MIER1: variants seen among roughly 807,000 people sequenced by gnomAD.
The protein encoded by MIER1 is MIER1 transcriptional regulator.
MIER1 carries 40 observed loss-of-function variants against 75.7 expected under a neutral mutation model. The ratio of observed to expected loss-of-function variants is 0.53; its 90% CI spans 0.41 to 0.69. The LOEUF (loss-of-function observed/expected upper bound fraction) is 0.69, where lower values mean the gene tolerates loss of function less well. MIER1 is among the 30% of genes least tolerant of loss of function. MIER1 has a pLI of 0.00. For missense variants in MIER1, 574 were observed against 680.2 expected, an observed-to-expected ratio of 0.84 and a Z score of 1.74; for synonymous variants, 213 against 223.4, an observed-to-expected ratio of 0.95 and a Z score of 0.42.
At chr1:66,951,437 T>G (rs1008195067) in intron 4 of MIER1, among the ~76,000 whole-genome samples, 3 of 152,136 alleles carry the variant, frequency 2.0e-5, no homozygotes, top group African/African-American at 7.2e-5. Flanking sequence ...TCGGTTTATG[T>G]TTTTAAAAAG....
At chr1:66,975,007 A>AT (rs962578072) in intron 11 of MIER1, among the ~76,000 whole-genome samples, 6 of 152,064 alleles carry the variant, frequency 3.9e-5, no homozygotes, top group African/African-American at 4.8e-5. Flanking sequence ...TGAGAGGATG[A>AT]TTTTTTTTAA....
chr1:66,986,343 T>C lies in MIER1; in HGVS notation c.*1443T>C, dbSNP rs1428290613. 1.3e-6 allele frequency: 2 copies of C among 1,577,756 alleles called. No homozygotes were observed. Among genetic ancestry groups the C allele is most frequent in the Admixed American group, 3.6e-5 (2 of 55,418 alleles). On this transcript the variant is annotated 3_prime_UTR_variant, in exon 14 of 14. Coordinates refer to ENST00000401041, the MANE Select transcript of MIER1 (RefSeq NM_001077700.3). ...AAATAATGTAGTTTTATATAGCTGA[T>C]AGACCAACCTATATCCAAACTTTTA...
intron 4 of MIER1, 175 bp downstream of exon 4, chr1:66,946,470 CAAT>C (rs1657666905): frequency 7.5e-7 from 1 of 1,339,866 alleles, no homozygotes; most frequent in Non-Finnish European, 9.5e-7. Context: ...GATTTAAAAA[CAAT>C]AACTTTATTA....
chr1:66,978,132 G>A (rs1256988283), intron 12 of MIER1, among the ~76,000 whole-genome samples: 2 of 150,852 alleles, frequency 1.3e-5, no homozygotes, highest in African/African-American at 2.4e-5. Flanking sequence ...GGAGGCGGAG[G>A]TTGCAGTGAG....
At chr1:66,930,185 G>T in intron 2 of MIER1, 1 of 1,353,600 alleles carries the variant, frequency 7.4e-7, no homozygotes, top group Non-Finnish European at 9.5e-7. Context: ...TTTCCCTCCA[G>T]TCCAGCCCAG....
At chr1:66,982,249 AC>A (rs1157451822) in intron 13 of MIER1, among the ~76,000 whole-genome samples, 5 of 152,120 alleles carry the variant, frequency 3.3e-5, no homozygotes, top group African/African-American at 1.2e-4. Flanking sequence ...TTAGGTCAAA[AC>A]CCTGCAGTTT....
intron 8 of MIER1, among the ~76,000 whole-genome samples, chr1:66,964,456 T>C (rs1047357614): frequency 4.1e-5 from 6 of 144,960 alleles, no homozygotes; most frequent in African/African-American, 1.5e-4. Context: ...TCCTTTTTTT[T>C]TTTTTTTTTT....
chr1:66,939,965 G>A (rs1407603156), intron 2 of MIER1, 63 bp from the exon 3 acceptor site: 3 of 1,299,104 alleles, frequency 2.3e-6, no homozygotes, highest in East Asian at 2.4e-5. Context: ...AATAATTTCG[G>A]TAATGTTTGT....
chr1:66,952,732 C>T (rs1659246457), intron 4 of MIER1, among the ~76,000 whole-genome samples: 1 of 152,204 alleles, frequency 6.6e-6, no homozygotes, highest in Non-Finnish European at 1.5e-5. Flanking sequence ...GCCTCAGCCT[C>T]CCTGGATGAA....
In MIER1 at chr1:66,972,789, A is replaced by C. The variant is rs908370702; in HGVS notation, c.1007-108A>C. 3 of 617,342 alleles carry C rather than the reference A, an allele frequency of 4.9e-6. No individual in the cohort carries two copies. In the African/African-American group the frequency reaches 5.6e-5, roughly 12 times the overall value. The allele number at this position is 617,342 out of a possible 1,614,324, so 38.2% of individuals were successfully genotyped here. A position where few individuals can be genotyped will look rare whatever the true frequency, so the allele number is the denominator to read the frequency against. ...CAATTAGTAATAGAGCTCAGGAGTA[A>C]AATGCTTCCCTCATTTTTACGAGAA... On this transcript the variant is annotated intron_variant, in intron 10 of 13. Coordinates refer to ENST00000401041, the MANE Select transcript of MIER1 (RefSeq NM_001077700.3).
intron 2 of MIER1, among the ~76,000 whole-genome samples, chr1:66,935,631 T>C (rs1654605530): frequency 6.6e-6 from 1 of 152,142 alleles, no homozygotes; most frequent in South Asian, 2.1e-4. Context: ...TTAGAAAATT[T>C]CAACAGTACA....
At chr1:66,976,076 C>T (rs1024678942) in intron 11 of MIER1, among the ~76,000 whole-genome samples, 2 of 151,954 alleles carry the variant, frequency 1.3e-5, no homozygotes, top group African/African-American at 4.8e-5. Flanking sequence ...CAGCCTCTGC[C>T]CCCACCCCCA....
intron 1 of MIER1, chr1:66,925,416 G>C: frequency 4.1e-6 from 4 of 985,434 alleles, no homozygotes; most frequent in Non-Finnish European, 4.8e-6. Flanking sequence ...TTCGGTCCCT[G>C]ATCCCAGTCG....
chr1:66,931,597 C>A (rs544151739), intron 2 of MIER1, among the ~76,000 whole-genome samples: 70 of 152,064 alleles, frequency 4.6e-4, no homozygotes, highest in African/African-American at 1.7e-3. Context: ...CATTCAATAT[C>A]TCTAATTTAC....
In MIER1 at chr1:66,970,809, A is replaced by G. The variant is rs370661136; in HGVS notation, c.774A>G (p.Val258=). 1.9e-6 allele frequency: 3 copies of G among 1,546,746 alleles called. No homozygotes were observed. The African/African-American group carries it at 4.2e-5, about 22-fold the overall frequency. The part of the protein sequence containing the change: ...GICRYKENEK[V]YENDDQLLWD... Reference sequence around the variant, plus strand: ...TAACATTGTCTTTTACTAATTTAGTATATGAAAATGATGATCAGCTCCTGT... The same window carrying G: ...TAACATTGTCTTTTACTAATTTAGTGTATGAAAATGATGATCAGCTCCTGT... Residue 258 remains valine (V), a splice_region_variant and synonymous_variant, in exon 9 of 14, where the codon GTA becomes GTG. Coordinates refer to ENST00000401041, the MANE Select transcript of MIER1 (RefSeq NM_001077700.3).
chr1:66,985,187 T>A lies in MIER1; in HGVS notation c.*287T>A. 6.2e-6 allele frequency: 6 copies of A among 969,414 alleles called. No individual in the cohort carries two copies. The highest frequency in any genetic ancestry group is 7.5e-6 in the Non-Finnish European group (6 of 804,960). 60.1% of individuals were successfully genotyped at this position (969,414 alleles called of 1,614,324 possible). ...CTTTAGTTCATTCAGATTTACTAAT[T>A]TTGGTAAATCTGAATGAACTAAAGA... is the stretch of plus-strand genomic sequence containing the variant. On this transcript the variant is annotated 3_prime_UTR_variant, in exon 14 of 14. Coordinates refer to ENST00000401041, the MANE Select transcript of MIER1 (RefSeq NM_001077700.3).
intron 10 of MIER1, among the ~76,000 whole-genome samples, chr1:66,972,261 TAGATA>T (rs1663848341): frequency 7.5e-5 from 4 of 53,634 alleles, no homozygotes; most frequent in African/African-American, 3.2e-4. Context: ...TATATATATA[TAGATA>T]TGTAACAAAT....
intron 2 of MIER1, among the ~76,000 whole-genome samples, chr1:66,936,220 G>A (rs1421464671): frequency 6.6e-6 from 1 of 151,802 alleles, no homozygotes; most frequent in Non-Finnish European, 1.5e-5. Context: ...CTTTAGTTTA[G>A]TTTTGTTTTG....
intron 2 of MIER1, among the ~76,000 whole-genome samples, chr1:66,935,168 ACT>A (rs1654474869): frequency 6.6e-6 from 1 of 151,980 alleles, no homozygotes; most frequent in African/African-American, 2.4e-5. Flanking sequence ...TTATTTCTTT[ACT>A]CTCTCTCAAA....
Sources: allele counts gnomAD v4.1 joint callset (sites outside exome capture counted in the v4.1 genomes callset), GRCh38; gene constraint gnomAD v4.1.1; transcripts MANE v1.5; gene names NCBI Gene and HGNC (gene_info 2026-07-23, HGNC 2026-07-21).